Variants in DDX10 observed in about 807,000 individuals in gnomAD.
The protein encoded by DDX10 is probable ATP-dependent RNA helicase DDX10.
In DDX10, 74 loss-of-function variants were observed where a neutral mutation model predicts 104.3. That is an observed-to-expected ratio of 0.71 (90% CI 0.59 to 0.86). The LOEUF (loss-of-function observed/expected upper bound fraction) is 0.86. Among genes scored for constraint, DDX10 ranks in the 40% least tolerant of loss-of-function variants. DDX10 has a pLI of 0.00. For synonymous variants in DDX10, 351 were observed against 353.4 expected, an observed-to-expected ratio of 0.99 and a Z score of 0.08; for missense variants, 952 against 1,040.0, an observed-to-expected ratio of 0.92 and a Z score of 1.16.
chr11:108,838,616 G>A, intron 14 of DDX10, 51 bp downstream of exon 14: 1 of 1,554,254 alleles, frequency 6.4e-7, no homozygotes, highest in Non-Finnish European at 8.7e-7. Flanking sequence ...AGTATTAGAA[G>A]AGATCGACTC....
chr11:108,916,583 G>A (rs562509655), intron 16 of DDX10, among the ~76,000 whole-genome samples: 1 of 152,182 alleles, frequency 6.6e-6, no homozygotes, highest in Admixed American at 6.5e-5. Context: ...CTGGGAACGA[G>A]CATTAATCAT....
intron 13 of DDX10, among the ~76,000 whole-genome samples, chr11:108,816,674 T>G (rs2134573184): frequency 6.6e-6 from 1 of 151,724 alleles, no homozygotes; most frequent in Middle Eastern, 3.4e-3. Flanking sequence ...TGCCTCAGCC[T>G]CCCAAGTAGT....
At chr11:108,692,129 C>T in intron 8 of DDX10, 91 bp downstream of exon 8, 1 of 1,183,106 alleles carries the variant, frequency 8.5e-7, no homozygotes, top group Non-Finnish European at 1.2e-6. Flanking sequence ...TAGACTCAAA[C>T]ACTTGGGTTT....
chr11:108,701,943 C>T (rs1187235986), intron 9 of DDX10, among the ~76,000 whole-genome samples: 1 of 152,102 alleles, frequency 6.6e-6, no homozygotes, highest in African/African-American at 2.4e-5. Flanking sequence ...GCCTGGATCC[C>T]AAAGTGCTGG....
chr11:108,916,384 C>T (rs1863751246), intron 16 of DDX10, among the ~76,000 whole-genome samples: 1 of 151,952 alleles, frequency 6.6e-6, no homozygotes, highest in Non-Finnish European at 1.5e-5. Flanking sequence ...CTCCCCCCAA[C>T]TCAATTTCTT....
chr11:108,891,987 T>C (rs1863382421), intron 16 of DDX10, among the ~76,000 whole-genome samples: 1 of 152,164 alleles, frequency 6.6e-6, no homozygotes, highest in Non-Finnish European at 1.5e-5. Flanking sequence ...ACCAGAAAAC[T>C]GAGAGACCTG....
At chr11:108,785,988 A>T (rs1277375718) in intron 13 of DDX10, among the ~76,000 whole-genome samples, 1 of 152,102 alleles carries the variant, frequency 6.6e-6, no homozygotes, top group Admixed American at 6.6e-5. Context: ...TAGTGCTATA[A>T]ACTTTCCTCT....
At chr11:108,824,890 T>C (rs569244197) in intron 13 of DDX10, among the ~76,000 whole-genome samples, 1 of 152,290 alleles carries the variant, frequency 6.6e-6, no homozygotes, top group African/African-American at 2.4e-5. Context: ...AAGGAAAATG[T>C]CCTAAGGTAG....
At chr11:108,741,076 G>T in intron 13 of DDX10, among the ~76,000 whole-genome samples, 1 of 151,946 alleles carries the variant, frequency 6.6e-6, no homozygotes, top group Non-Finnish European at 1.5e-5. Flanking sequence ...TCCCCCATTG[G>T]TTGTTTTTGT....
At position 108,762,117 on chromosome 11, in the gene DDX10, C is replaced by G. The variant is rs566472657; in HGVS notation, c.1965+38655C>G. Among the ~76,000 whole-genome samples, 6 of 152,228 alleles carry G rather than the reference C, an allele frequency of 3.9e-5. No individual in the cohort carries two copies. The East Asian group carries it at 1.2e-3, about 29-fold the overall frequency. On this transcript the variant is annotated intron_variant, in intron 13 of 17. Coordinates refer to ENST00000322536, the MANE Select transcript of DDX10 (RefSeq NM_004398.4). Reference sequence around the variant, plus strand: ...TGAACTAGATCTCTTAACTCCCTTCCTTGCTCTAAAATTCTGATGCCTTGG... The same window carrying G: ...TGAACTAGATCTCTTAACTCCCTTCGTTGCTCTAAAATTCTGATGCCTTGG...
intron 13 of DDX10, among the ~76,000 whole-genome samples, chr11:108,759,029 A>G (rs1408735491): frequency 6.6e-6 from 1 of 152,034 alleles, no homozygotes; most frequent in Middle Eastern, 3.2e-3. Flanking sequence ...TAGCTTTTGT[A>G]TCTATGCTAA....
At chr11:108,865,130 G>A (rs996019625) in intron 16 of DDX10, among the ~76,000 whole-genome samples, 4 of 152,298 alleles carry the variant, frequency 2.6e-5, no homozygotes, top group East Asian at 1.9e-4. Context: ...CAGTGTTGGA[G>A]GAAGGAGAGA....
At chr11:108,884,352 T>A (rs918674701) in intron 16 of DDX10, among the ~76,000 whole-genome samples, 1 of 152,122 alleles carries the variant, frequency 6.6e-6, no homozygotes, top group Non-Finnish European at 1.5e-5. Flanking sequence ...TGATGATCCC[T>A]ATTCTAGAAA....
At chr11:108,698,261 T>C (rs2094262622) in intron 9 of DDX10, among the ~76,000 whole-genome samples, 1 of 152,242 alleles carries the variant, frequency 6.6e-6, no homozygotes, top group African/African-American at 2.4e-5. Context: ...ATTGAAATAA[T>C]AAAAGTAAAA....
chr11:108,749,809 A>T (rs1266596952), intron 13 of DDX10, among the ~76,000 whole-genome samples: 1 of 152,194 alleles, frequency 6.6e-6, no homozygotes, highest in Non-Finnish European at 1.5e-5. Context: ...ATGGCCATTT[A>T]TCGTCTTGTT....
At chr11:108,789,640 C>T (rs1484484482) in intron 13 of DDX10, among the ~76,000 whole-genome samples, 1 of 152,176 alleles carries the variant, frequency 6.6e-6, no homozygotes, top group Non-Finnish European at 1.5e-5. Context: ...TGAAGTTCTA[C>T]TTCTTGTTTA....
intron 13 of DDX10, among the ~76,000 whole-genome samples, chr11:108,778,682 A>G (rs1456091579): frequency 2.0e-5 from 3 of 152,262 alleles, no homozygotes; most frequent in African/African-American, 7.2e-5. Context: ...ACAAATGCCA[A>G]AATTGACAAA....
intron 13 of DDX10, among the ~76,000 whole-genome samples, chr11:108,836,474 G>A (rs1220254475): frequency 6.6e-6 from 1 of 151,968 alleles, no homozygotes; most frequent in African/African-American, 2.4e-5. Flanking sequence ...ATTTTTAATT[G>A]CATGGTGGTT....
At chr11:108,827,733 G>A (rs543513900) in intron 13 of DDX10, among the ~76,000 whole-genome samples, 1 of 152,136 alleles carries the variant, frequency 6.6e-6, no homozygotes, top group African/African-American at 2.4e-5. Flanking sequence ...TCCTCCAGCC[G>A]AAACTTCTTC....
Sources: allele counts gnomAD v4.1 joint callset (sites outside exome capture counted in the v4.1 genomes callset), GRCh38; gene constraint gnomAD v4.1.1; transcripts MANE v1.5; gene names NCBI Gene and HGNC (gene_info 2026-07-23, HGNC 2026-07-21).